The following STAT3 variants were observed in gnomAD, a reference collection of about 807,000 sequenced individuals.
The protein encoded by STAT3 is signal transducer and activator of transcription 3.
Under a neutral mutation model 114.3 loss-of-function variants are expected in STAT3, and 7 were observed. The observed-to-expected ratio is 0.06, with a 90% confidence interval of 0.03 to 0.11. The LOEUF (loss-of-function observed/expected upper bound fraction) is 0.11. STAT3 is among the 10% of genes least tolerant of loss of function. The pLI, the probability that STAT3 is intolerant of heterozygous loss-of-function variation, is 1.00. For synonymous variants in STAT3, 331 were observed against 354.5 expected, an observed-to-expected ratio of 0.93 and a Z score of 0.74; for missense variants, 364 against 960.9, an observed-to-expected ratio of 0.38 and a Z score of 8.21.
intron 8 of STAT3, among the ~76,000 whole-genome samples, chr17:42,334,439 C>CTTTTTTTTT: frequency 1.4e-5 from 1 of 70,224 alleles, no homozygotes; most frequent in East Asian, 4.0e-4. Flanking sequence ...TGCGCCTGGC[C>CTTTTTTTTT]TTTTTTTTTT....
chr17:42,322,946 A>C, intron 20 of STAT3, 58 bp downstream of exon 20: 1 of 1,611,980 alleles, frequency 6.2e-7, no homozygotes, highest in Non-Finnish European at 8.5e-7. Context: ...TGCAACTAGA[A>C]GCAGTGATGA....
In STAT3 at chr17:42,322,317, G is replaced by A; in HGVS notation, c.2066C>T (p.Pro689Leu). 2 of 1,614,204 alleles carry A rather than the reference G, an allele frequency of 1.2e-6. No homozygotes were observed. The change falls in exon 21 of 24, where the codon CCA (proline) becomes CTA (leucine). Residue 689 changes from proline (P) to leucine (L), a missense_variant. Physicochemically the swap from Pro to Leu is moderately conservative, Grantham distance 98. Transcript: ENST00000264657. ...KEEAFGKYCR[P>L]ESQEHPEADP... is the part of the protein sequence containing the mutation. ...AGCTTCAGGATGCTCCTGGCTCTCTGGCCGACAATACTTTCCGAATGCCTC... is the reference window on the plus strand; with the variant it reads ...AGCTTCAGGATGCTCCTGGCTCTCTAGCCGACAATACTTTCCGAATGCCTC...
In STAT3 at chr17:42,322,370, G is replaced by A. The variant is rs2144679818; in HGVS notation, c.2013C>T (p.Val671=). ...CCTTGGGAATGTCAGGATAGAGATA[G>A]ACCAGTGGAGACACCAGGATATTGG... ...DATNILVSPL[V]YLYPDIPKEE... The change falls in exon 21 of 24, where the codon GTC becomes GTT. Residue 671 remains valine (V), a synonymous_variant. Transcript: ENST00000264657. The A allele has an allele frequency of 1.2e-6, 2 of 1,614,194 alleles. No homozygotes were observed. The highest frequency in any genetic ancestry group is 1.7e-6 in the Non-Finnish European group (2 of 1,180,042).
intron 1 of STAT3, 26 bp from the exon 2 acceptor site, chr17:42,348,565 C>T: frequency 6.2e-7 from 1 of 1,611,516 alleles, no homozygotes; most frequent in Non-Finnish European, 8.5e-7. Flanking sequence ...TGCATATGTT[C>T]ACCACAAGTC....
At chr17:42,366,543 A>C (rs1465432801) in intron 1 of STAT3, among the ~76,000 whole-genome samples, 1 of 151,992 alleles carries the variant, frequency 6.6e-6, no homozygotes, top group Non-Finnish European at 1.5e-5. Context: ...TAGTGGCGCA[A>C]GCCTGTGATC....
At chr17:42,343,455 C>CTTTT (rs34846688) in intron 4 of STAT3, among the ~76,000 whole-genome samples, 420 of 98,882 alleles carry the variant, frequency 4.2e-3, no homozygotes, top group Non-Finnish European at 5.7e-3. Context: ...TCAGATCTTT[C>CTTTT]TTTTTTTTTT....
intron 8 of STAT3, among the ~76,000 whole-genome samples, chr17:42,335,871 T>TA (rs1486056559): frequency 6.6e-6 from 1 of 151,486 alleles, no homozygotes; most frequent in Non-Finnish European, 1.5e-5. Flanking sequence ...TCAAAAAAAT[T>TA]AAAAAAAGAG....
chr17:42,371,301 G>A (rs1489448918), intron 1 of STAT3, among the ~76,000 whole-genome samples: 1 of 152,056 alleles, frequency 6.6e-6, no homozygotes, highest in Non-Finnish European at 1.5e-5. Context: ...CAGGATGCAG[G>A]AGCTGGGAGC....
At chr17:42,381,885 A>G (rs1224414230) in intron 1 of STAT3, among the ~76,000 whole-genome samples, 1 of 152,208 alleles carries the variant, frequency 6.6e-6, no homozygotes, top group South Asian at 2.1e-4. Flanking sequence ...TTTTTTTATA[A>G]TAGCATGTTA....
chr17:42,331,423 A>C lies in STAT3; in HGVS notation c.1109+49T>G, dbSNP rs563900760. ...TCAAATGATGTCTGTCAAAGTTCTC[A>C]TTTTTCTATTCCTCATTTGAAAAAC... On this transcript the variant is annotated intron_variant, in intron 11 of 23. Transcript: ENST00000264657. The C allele has an allele frequency of 2.0e-6, 3 of 1,511,012 alleles. No homozygotes were observed. In the African/African-American group the frequency reaches 4.1e-5, roughly 21 times the overall value. The allele number at this position is 1,511,012 out of a possible 1,614,324, so 93.6% of individuals were successfully genotyped here. A position where few individuals can be genotyped will look rare whatever the true frequency, so the allele number is the denominator to read the frequency against.
Position 42,335,616 on chromosome 17 carries a change from C to T in STAT3, c.798-1567G>A, listed in dbSNP as rs532106855. ...GGGAGAAAAAGCTCATTAAATCTAT[C>T]TCCAAGAATAGAGATATTAGGCCAG... On this transcript the variant is annotated intron_variant, in intron 8 of 23. Coordinates refer to ENST00000264657, the MANE Select transcript of STAT3 (RefSeq NM_139276.3). Among the ~76,000 whole-genome samples the T allele has an allele frequency of 1.7e-3, 254 of 152,306 alleles. 1 individual carries two copies. Among genetic ancestry groups the T allele is most frequent in the Non-Finnish European group, 3.1e-3 (209 of 68,034 alleles).
intron 10 of STAT3, 31 bp from the exon 11 acceptor site, chr17:42,331,562 A>T: frequency 6.3e-7 from 1 of 1,575,772 alleles, no homozygotes; most frequent in Non-Finnish European, 8.7e-7. Context: ...CAAGGAAAAA[A>T]AGTCAGTAAC....
chr17:42,352,651 CA>C (rs766577639), intron 1 of STAT3, among the ~76,000 whole-genome samples: 12,294 of 78,860 alleles, frequency 0.16, 444 homozygotes, highest in Middle Eastern at 0.18. Flanking sequence ...GACTCTGTCT[CA>C]AAAAAAAAAA....
chr17:42,358,933 C>CTTTTTTTTTTTTTTTTTTTTTT lies in STAT3; in HGVS notation c.-23-10395_-23-10394insAAAAAAAAAAAAAAAAAAAAAA, dbSNP rs35099574. Among the ~76,000 whole-genome samples the CTTTTTTTTTTTTTTTTTTTTTT allele has an allele frequency of 1.3e-3, 131 of 100,444 alleles. 5 individuals are homozygous for CTTTTTTTTTTTTTTTTTTTTTT. Among genetic ancestry groups the CTTTTTTTTTTTTTTTTTTTTTT allele is most frequent in the Non-Finnish European group, 1.9e-3 (100 of 53,338 alleles). 65.9% of individuals were successfully genotyped at this position (100,444 alleles called of 152,430 possible). On this transcript the variant is annotated intron_variant, in intron 1 of 23. Coordinates refer to ENST00000264657, the MANE Select transcript of STAT3 (RefSeq NM_139276.3). ...GTCTCCCTTTCATGGACATTTCTTA[C>CTTTTTTTTTTTTTTTTTTTTTT]TTTTTTTTTTTTTTTTTTTGAGATG...
chr17:42,384,120 A>AT lies in STAT3; in HGVS notation c.-24+4158dup, dbSNP rs1369350071. Among the ~76,000 whole-genome samples, 8 of 82,090 alleles carry AT rather than the reference A, an allele frequency of 9.7e-5. No individual in the cohort carries two copies. The East Asian group carries it at 2.1e-3, about 22-fold the overall frequency. 53.9% of individuals were successfully genotyped at this position (82,090 alleles called of 152,430 possible). A position where few individuals can be genotyped will look rare whatever the true frequency, so the allele number is the denominator to read the frequency against. On this transcript the variant is annotated intron_variant, in intron 1 of 23. Coordinates refer to ENST00000264657, the MANE Select transcript of STAT3 (RefSeq NM_139276.3). ...TTCGGCTCCAAAGTTTTATTTATTT[A>AT]TTTATTTATTTATTTTTTTTTTTTT...
rs112644937 is a variant in STAT3, at chr17:42,329,523, C to T, written c.1233+31G>A. The T allele has an allele frequency of 1.5e-3, 2,386 of 1,614,142 alleles. 5 individuals carry two copies. The highest frequency in any genetic ancestry group is 2.9e-3 in the Admixed American group (174 of 60,020). On this transcript the variant is annotated intron_variant, in intron 13 of 23. Coordinates refer to ENST00000264657, the MANE Select transcript of STAT3 (RefSeq NM_139276.3). Reference sequence around the variant, plus strand: ...CCTAGCCCTCTCCGGCAGCCAGAGGCCCTTTGTGAAGGGGAGCTCCTCCCA... The same window carrying T: ...CCTAGCCCTCTCCGGCAGCCAGAGGTCCTTTGTGAAGGGGAGCTCCTCCCA...
Position 42,348,445 on chromosome 17 carries a change from G to A in STAT3, c.72C>T (p.Asp24=), listed in dbSNP as rs763742034. The A allele has an allele frequency of 1.2e-6, 2 of 1,613,996 alleles. No individual in the cohort carries two copies. Among genetic ancestry groups the A allele is most frequent in the Non-Finnish European group, 1.7e-6 (2 of 1,180,040 alleles). ...ACTGCCGCAGCTCCATTGGGAAGCTGTCACTGTAGAGCTGATGGAGCTGCT... is the reference window on the plus strand; with the variant it reads ...ACTGCCGCAGCTCCATTGGGAAGCTATCACTGTAGAGCTGATGGAGCTGCT... ...YLEQLHQLYS[D]SFPMELRQFL... Residue 24 remains aspartate (D), a synonymous_variant, in exon 2 of 24, where the codon GAC becomes GAT. Transcript: ENST00000264657.
intron 21 of STAT3, among the ~76,000 whole-genome samples, chr17:42,320,006 G>A (rs991576374): frequency 3.3e-5 from 5 of 152,198 alleles, no homozygotes; most frequent in East Asian, 1.9e-4. Context: ...CAGGAAGGGC[G>A]ATGGTAATGG....
chr17:42,336,880 G>A (rs1233680396), intron 8 of STAT3, among the ~76,000 whole-genome samples: 1 of 151,694 alleles, frequency 6.6e-6, no homozygotes, highest in African/African-American at 2.4e-5. Flanking sequence ...TAAACCAAAA[G>A]CCTTAATTGA....
Sources: gnomAD v4.1 joint callset for allele counts (sites outside exome capture counted in the v4.1 genomes callset) on GRCh38, gnomAD v4.1.1 for gene constraint, MANE v1.5 for transcripts, NCBI Gene and HGNC (gene_info 2026-07-23, HGNC 2026-07-21) for gene names.